Variants in DOCK5 observed in about 807,000 individuals in gnomAD.
The protein encoded by DOCK5 is dedicator of cytokinesis protein 5.
In DOCK5, 142 loss-of-function variants were observed where a neutral mutation model predicts 251.8. That is an observed-to-expected ratio of 0.56 (90% CI 0.49 to 0.65). DOCK5 has a LOEUF of 0.65. Ranked by LOEUF, DOCK5 falls within the 30% of genes least tolerant of loss-of-function variation. The probability of loss-of-function intolerance (pLI) is 0.00; values close to 1 mark genes in which losing one functional copy is unlikely to be tolerated. For synonymous variants in DOCK5, 842 were observed against 835.5 expected, an observed-to-expected ratio of 1.01 and a Z score of -0.13; for missense variants, 2,111 against 2,312.3, an observed-to-expected ratio of 0.91 and a Z score of 1.79.
At chr8:25,268,593 A>G (rs1803825391) in intron 2 of DOCK5, among the ~76,000 whole-genome samples, 1 of 152,072 alleles carries the variant, frequency 6.6e-6, no homozygotes, top group Admixed American at 6.5e-5. Flanking sequence ...TCTTCCTCCA[A>G]AGGAGTAGAG....
At chr8:25,374,490 C>T in intron 36 of DOCK5, 74 bp from the exon 37 acceptor site, 1 of 1,382,270 alleles carries the variant, frequency 7.2e-7, no homozygotes, top group South Asian at 1.3e-5. Context: ...CAGCAAGACC[C>T]TGTCTCAAAA....
intron 1 of DOCK5, among the ~76,000 whole-genome samples, chr8:25,210,048 G>GAAA (rs1563309203): frequency 1.2e-4 from 3 of 25,424 alleles, no homozygotes; most frequent in African/African-American, 3.7e-4. Context: ...GTGTGTGTGT[G>GAAA]TGTGTGTGTG....
At chr8:25,364,485 G>T (rs548828828) in intron 29 of DOCK5, 141 bp from the exon 30 acceptor site, 2 of 616,736 alleles carry the variant, frequency 3.2e-6, no homozygotes, top group South Asian at 2.0e-5. Flanking sequence ...GTGTTATGCT[G>T]TTGTCTGCAA....
rs370651766 is a variant in DOCK5, at chr8:25,407,979, A to G, written c.5094-4A>G. ...TGATGTTTGTCCTTGTTCCTGGCCAATAGCTCAATCTTGGAGCCACTTTTG... is the reference window on the plus strand; with the variant it reads ...TGATGTTTGTCCTTGTTCCTGGCCAGTAGCTCAATCTTGGAGCCACTTTTG... On this transcript the variant is annotated splice_polypyrimidine_tract_variant and splice_region_variant and intron_variant, in intron 48 of 51. Transcript: ENST00000276440. The G allele has an allele frequency of 3.5e-5, 57 of 1,609,646 alleles. No individual in the cohort carries two copies. The highest frequency in any genetic ancestry group is 1.7e-4 in the South Asian group (15 of 90,292).
chr8:25,302,269 A>G lies in DOCK5; in HGVS notation c.847-56A>G, dbSNP rs574748217. ...TGTAGAGGGTAAAGAAAAAAGAGAC[A>G]CAGGTGACACAGTGGTCCAGCCCCA... is the stretch of plus-strand genomic sequence containing the variant. On this transcript the variant is annotated intron_variant, in intron 9 of 51. Coordinates refer to ENST00000276440, the MANE Select transcript of DOCK5 (RefSeq NM_024940.8). The G allele has an allele frequency of 3.3e-6, 5 of 1,523,724 alleles. No individual in the cohort carries two copies. The African/African-American group carries it at 6.9e-5, about 21-fold the overall frequency. 94.4% of individuals were successfully genotyped at this position (1,523,724 alleles called of 1,614,324 possible).
chr8:25,387,746 ACT>A (rs1367851250), intron 40 of DOCK5, among the ~76,000 whole-genome samples: 1 of 151,960 alleles, frequency 6.6e-6, no homozygotes, highest in African/African-American at 2.4e-5. Context: ...CCTGGGCCTG[ACT>A]CTTTCCACAT....
chr8:25,190,533 C>T (rs1275816244), intron 1 of DOCK5, among the ~76,000 whole-genome samples: 6 of 152,120 alleles, frequency 3.9e-5, no homozygotes, highest in African/African-American at 7.2e-5. Flanking sequence ...TGGCTACAGT[C>T]GTAATTAAAG....
At chr8:25,219,590 CTGAAAA>C (rs1554518682) in intron 1 of DOCK5, among the ~76,000 whole-genome samples, 2 of 152,160 alleles carry the variant, frequency 1.3e-5, no homozygotes, top group Non-Finnish European at 2.9e-5. Context: ...GCCTAAATGT[CTGAAAA>C]TATCTCTATT....
At chr8:25,295,658 G>T (rs1187430604) in intron 6 of DOCK5, among the ~76,000 whole-genome samples, 1 of 152,076 alleles carries the variant, frequency 6.6e-6, no homozygotes, top group African/African-American at 2.4e-5. Context: ...ATTGTTCATT[G>T]GTCCTTCATA....
chr8:25,385,359 C>T (rs992271462), intron 40 of DOCK5, among the ~76,000 whole-genome samples: 5 of 152,068 alleles, frequency 3.3e-5, no homozygotes, highest in African/African-American at 1.2e-4. Context: ...AGACTCGGGA[C>T]GTGGGGGTGG....
chr8:25,380,229 C>T (rs1801040853), intron 38 of DOCK5, 76 bp from the exon 39 acceptor site: 1 of 1,344,610 alleles, frequency 7.4e-7, no homozygotes, highest in African/African-American at 1.4e-5. Context: ...TTCCCAGTGA[C>T]TCGCCAGTGG....
chr8:25,258,576 T>G (rs1347336060), intron 2 of DOCK5, among the ~76,000 whole-genome samples: 1 of 152,166 alleles, frequency 6.6e-6, no homozygotes, highest in East Asian at 1.9e-4. Context: ...CAGGGTGCTT[T>G]AGCGCTGCCT....
chr8:25,304,092 A>G (rs1184956599), intron 10 of DOCK5, among the ~76,000 whole-genome samples, 163 bp from the exon 11 acceptor site: 1 of 152,210 alleles, frequency 6.6e-6, no homozygotes, highest in Non-Finnish European at 1.5e-5. Context: ...TTGCTGGGCT[A>G]GGTACACTGG....
At chr8:25,380,466 T>A in intron 39 of DOCK5, 72 bp downstream of exon 39, 1 of 1,318,622 alleles carries the variant, frequency 7.6e-7, no homozygotes, top group African/African-American at 1.5e-5. Flanking sequence ...AATGTTTCCG[T>A]AAGTTGAAAG....
intron 45 of DOCK5, among the ~76,000 whole-genome samples, chr8:25,396,218 A>G (rs558347446): frequency 6.6e-6 from 1 of 152,290 alleles, no homozygotes; most frequent in East Asian, 1.9e-4. Context: ...CGTCTCTACT[A>G]AAAATACAAA....
In DOCK5 at chr8:25,414,450, T is replaced by G. The variant is rs990583509; in HGVS notation, c.*3152T>G. The G allele has an allele frequency of 6.6e-6, 1 of 152,246 alleles. No individual in the cohort carries two copies. Among genetic ancestry groups the G allele is most frequent in the Non-Finnish European group, 1.5e-5 (1 of 68,048 alleles). 9.4% of individuals were successfully genotyped at this position (152,246 alleles called of 1,614,324 possible). ...TCTGCCAAGGAAATCCATTAAAAAC[T>G]GCAGCCACACTGCAATTTCCTAATG... is the stretch of plus-strand genomic sequence containing the variant. On this transcript the variant is annotated 3_prime_UTR_variant, in exon 52 of 52. Transcript: ENST00000276440.
chr8:25,340,786 G>A (rs1408221887), intron 22 of DOCK5, 91 bp from the exon 23 acceptor site: 14 of 1,000,568 alleles, frequency 1.4e-5, no homozygotes, highest in Admixed American at 8.3e-5. Context: ...AGGGTGATAC[G>A]ATGAAGGAGA....
chr8:25,308,582 T>C (rs1018169795), intron 11 of DOCK5, among the ~76,000 whole-genome samples: 1 of 152,188 alleles, frequency 6.6e-6, no homozygotes, highest in African/African-American at 2.4e-5. Flanking sequence ...TTTTCCTCCC[T>C]CTTTGCCTCA....
intron 48 of DOCK5, among the ~76,000 whole-genome samples, chr8:25,406,299 ATGT>A (rs1197788114): frequency 1.3e-5 from 2 of 152,148 alleles, no homozygotes; most frequent in African/African-American, 4.8e-5. Context: ...TGCATCTATC[ATGT>A]TGTGACCTAC....
Sources: gnomAD v4.1 joint callset for allele counts (sites outside exome capture counted in the v4.1 genomes callset) on GRCh38, gnomAD v4.1.1 for gene constraint, MANE v1.5 for transcripts, NCBI Gene and HGNC (gene_info 2026-07-23, HGNC 2026-07-21) for gene names.